The following KMT5B variants were observed in gnomAD, a reference collection of about 807,000 sequenced individuals.
The protein encoded by KMT5B is histone-lysine N-methyltransferase KMT5B.
KMT5B carries 10 observed loss-of-function variants against 83.2 expected under a neutral mutation model. That is an observed-to-expected ratio of 0.12 (90% CI 0.07 to 0.20). KMT5B has a LOEUF of 0.20. Ranked by LOEUF, KMT5B falls within the 10% of genes least tolerant of loss-of-function variation. The pLI is 1.00. For synonymous variants in KMT5B, 349 were observed against 388.8 expected (o/e 0.90, Z 1.20); for missense variants, 753 against 1,067.2 (o/e 0.71, Z 4.10).
chr11:68,197,982 C>A (rs1034523224), intron 1 of KMT5B, among the ~76,000 whole-genome samples: 1 of 152,230 alleles, frequency 6.6e-6, no homozygotes, highest in Admixed American at 6.5e-5. Context: ...ATCATTTGTT[C>A]TGCCCTCCTA....
intron 2 of KMT5B, 42 bp from the exon 3 acceptor site, chr11:68,185,970 CTACT>C (rs747374984): frequency 7.2e-6 from 11 of 1,534,096 alleles, no homozygotes; most frequent in Non-Finnish European, 9.7e-6. Context: ...AAATTGAAAA[CTACT>C]TAAATCTGCC....
chr11:68,157,427 T>C lies in KMT5B; in HGVS notation c.*261A>G, dbSNP rs1042769566. On this transcript the variant is annotated 3_prime_UTR_variant, in exon 11 of 11. Transcript: ENST00000304363. Reference sequence around the variant, plus strand: ...GGAAAGTTGCTATCACTGTACAATTTTGCTTGAGCCTTTATTTTACAACAG... The same window carrying C: ...GGAAAGTTGCTATCACTGTACAATTCTGCTTGAGCCTTTATTTTACAACAG... The C allele has an allele frequency of 2.4e-5, 8 of 327,876 alleles. No homozygotes were observed. The highest frequency in any genetic ancestry group is 4.2e-5 in the Non-Finnish European group (8 of 189,000). 20.3% of individuals were successfully genotyped at this position (327,876 alleles called of 1,614,324 possible).
Position 68,156,672 on chromosome 11 carries a change from G to A in KMT5B, c.*1016C>T, listed in dbSNP as rs893767291. On this transcript the variant is annotated 3_prime_UTR_variant, in exon 11 of 11. Coordinates refer to ENST00000304363, the MANE Select transcript of KMT5B (RefSeq NM_017635.5). The stretch of plus-strand genomic sequence containing the variant: ...CACAAATATTTACAACATATACATT[G>A]TTTTCAGTTCTTTACATTGAATCTC... The A allele has an allele frequency of 2.0e-5, 3 of 152,484 alleles. No individual in the cohort carries two copies. The highest frequency in any genetic ancestry group is 4.4e-5 in the Non-Finnish European group (3 of 67,994). The allele number at this position is 152,484 out of a possible 1,614,324, so 9.4% of individuals were successfully genotyped here.
chr11:68,183,591 T>C lies in KMT5B; in HGVS notation c.308+2190A>G, dbSNP rs543719864. Among the ~76,000 whole-genome samples the C allele has an allele frequency of 8.6e-5, 13 of 151,302 alleles. No homozygotes were observed. The South Asian group carries it at 2.7e-3, about 32-fold the overall frequency. ...CCAGGCTGGTCTCGAACTCCTGAGC[T>C]CAGGTGATCCACCCACCTCGGCCTC... On this transcript the variant is annotated intron_variant, in intron 3 of 10. Coordinates refer to ENST00000304363, the MANE Select transcript of KMT5B (RefSeq NM_017635.5).
intron 1 of KMT5B, among the ~76,000 whole-genome samples, chr11:68,191,875 T>C (rs966698934): frequency 6.6e-6 from 1 of 152,252 alleles, no homozygotes; most frequent in East Asian, 1.9e-4. Flanking sequence ...CACTGACTCA[T>C]CCAGAGCAAC....
chr11:68,159,163 G>A lies in KMT5B; in HGVS notation c.1183C>T (p.Arg395Ter). The part of the protein sequence containing the change: ...TQEKNNATSN[R>*]KSSVGVKKNS... The stretch of plus-strand genomic sequence containing the variant: ...TTTTTTACGCCAACTGAAGATTTTC[G>A]GTTAGAAGCTGTAAGGTTAAAGAGA... The change falls in exon 11 of 11, where the codon CGA becomes TGA. Residue 395 changes from arginine to a stop codon, truncating the protein, a stop_gained. Coordinates refer to ENST00000304363, the MANE Select transcript of KMT5B (RefSeq NM_017635.5). LOFTEE classifies it high-confidence loss of function. 1.3e-6 allele frequency: 2 copies of A among 1,567,454 alleles called. No homozygotes were observed. Among genetic ancestry groups the A allele is most frequent in the Non-Finnish European group, 1.7e-6 (2 of 1,165,300 alleles).
At chr11:68,183,821 A>G (rs1190753804) in intron 3 of KMT5B, among the ~76,000 whole-genome samples, 1 of 147,928 alleles carries the variant, frequency 6.8e-6, no homozygotes, top group African/African-American at 2.5e-5. Context: ...CACCACACCC[A>G]GCTAATTTTT....
intron 1 of KMT5B, among the ~76,000 whole-genome samples, chr11:68,211,899 T>C (rs972401333): frequency 6.6e-6 from 1 of 152,188 alleles, no homozygotes; most frequent in Non-Finnish European, 1.5e-5. Flanking sequence ...GTTTGTGGAC[T>C]CTAACCTGGG....
intron 1 of KMT5B, among the ~76,000 whole-genome samples, chr11:68,210,917 T>C (rs1350415202): frequency 1.3e-5 from 2 of 152,040 alleles, no homozygotes; most frequent in Non-Finnish European, 2.9e-5. Flanking sequence ...TCATACATGG[T>C]ACACAGAAAC....
At chr11:68,208,293 A>C (rs1398571018) in intron 1 of KMT5B, among the ~76,000 whole-genome samples, 1 of 151,948 alleles carries the variant, frequency 6.6e-6, no homozygotes, top group Non-Finnish European at 1.5e-5. Context: ...CTAAAAATAC[A>C]AAAGTTAGCT....
intron 1 of KMT5B, among the ~76,000 whole-genome samples, chr11:68,209,921 C>T (rs1308566907): frequency 6.6e-6 from 1 of 150,548 alleles, no homozygotes; most frequent in Non-Finnish European, 1.5e-5. Context: ...GGCTGGAGTG[C>T]AGTGGAGCCA....
At chr11:68,187,077 G>C (rs1328807634) in intron 2 of KMT5B, among the ~76,000 whole-genome samples, 1 of 151,976 alleles carries the variant, frequency 6.6e-6, no homozygotes, top group South Asian at 2.1e-4. Flanking sequence ...GCTCACCGCA[G>C]CCTCGAATTC....
chr11:68,203,477 A>G (rs1193651003), intron 1 of KMT5B, among the ~76,000 whole-genome samples: 2 of 152,246 alleles, frequency 1.3e-5, no homozygotes, highest in African/African-American at 4.8e-5. Flanking sequence ...AGCCGTCTGC[A>G]ATCAATATTG....
chr11:68,174,040 G>A (rs964173384), intron 5 of KMT5B, 127 bp from the exon 6 acceptor site: 4 of 717,584 alleles, frequency 5.6e-6, no homozygotes, highest in Non-Finnish European at 7.4e-6. Context: ...GCAACATAGC[G>A]AGACCCTGTC....
At chr11:68,170,224 T>C (rs190645254) in intron 9 of KMT5B, among the ~76,000 whole-genome samples, 299 of 152,360 alleles carry the variant, frequency 2.0e-3, no homozygotes, top group African/African-American at 6.8e-3. Context: ...GACTGGGGTC[T>C]GATACTTATG....
At chr11:68,185,751 G>C (rs376790803) in intron 3 of KMT5B, 30 bp downstream of exon 3, 433 of 1,595,506 alleles carry the variant, frequency 2.7e-4, no homozygotes, top group Non-Finnish European at 3.3e-4. Flanking sequence ...ATAATCATCT[G>C]TTCCATTCAG....
chr11:68,200,720 C>G lies in KMT5B; in HGVS notation c.-76-10568G>C, dbSNP rs140234489. On this transcript the variant is annotated intron_variant, in intron 1 of 10. Transcript: ENST00000304363. ...TTTTAAACTAATAGATTGGTTAAAT[C>G]TCTGGATGGGAGTAATACAGATGAT... 2.8e-4 allele frequency among the ~76,000 whole-genome samples: 42 copies of G among 152,326 alleles called. 1 individual carries two copies. The highest frequency in any genetic ancestry group is 8.4e-4 in the African/African-American group (35 of 41,570).
intron 1 of KMT5B, among the ~76,000 whole-genome samples, chr11:68,192,029 GTCAGTACAGTAACAAGCTGTACA>G (rs1858145909): frequency 6.6e-6 from 1 of 152,194 alleles, no homozygotes; most frequent in Admixed American, 6.5e-5. Context: ...GACTACAGTA[GTCAGTACAGTAACAAGCTGTACA>G]GGTTAGTGGC....
chr11:68,177,219 A>G (rs1321227314), intron 4 of KMT5B, among the ~76,000 whole-genome samples: 1 of 152,264 alleles, frequency 6.6e-6, no homozygotes, highest in East Asian at 1.9e-4. Flanking sequence ...CAAGTGATCA[A>G]TATGCAAATG....
Sources: gnomAD v4.1 joint callset for allele counts (sites outside exome capture counted in the v4.1 genomes callset) on GRCh38, gnomAD v4.1.1 for gene constraint, MANE v1.5 for transcripts, NCBI Gene and HGNC (gene_info 2026-07-23, HGNC 2026-07-21) for gene names.